STAM: variants seen among roughly 807,000 people sequenced by gnomAD.
STAM encodes the protein signal transducing adapter molecule 1.
In STAM, 16 loss-of-function variants were observed where a neutral mutation model predicts 63.4. The observed-to-expected ratio is 0.25, with a 90% CI of 0.17 to 0.38. The LOEUF is 0.38. Among genes scored for constraint, STAM ranks in the 10% least tolerant of loss-of-function variants. The pLI is 1.00. For missense variants in STAM, 636 were observed against 657.1 expected, an observed-to-expected ratio of 0.97 and a Z score of 0.35; for synonymous variants, 238 against 223.9, an observed-to-expected ratio of 1.06 and a Z score of -0.56.
intron 2 of STAM, among the ~76,000 whole-genome samples, chr10:17,678,802 A>G (rs1554824951): frequency 6.6e-6 from 1 of 151,982 alleles, no homozygotes; most frequent in African/African-American, 2.4e-5. Context: ...CCTCCTAGCC[A>G]CTAGTTACTT....
chr10:17,698,615 T>C (rs1018283731), intron 8 of STAM, among the ~76,000 whole-genome samples: 32 of 152,172 alleles, frequency 2.1e-4, no homozygotes, highest in African/African-American at 7.2e-4. Flanking sequence ...TTTGAGGAAA[T>C]AGAAGTCTAT....
chr10:17,684,995 T>C, intron 4 of STAM, 68 bp downstream of exon 4: 1 of 1,310,582 alleles, frequency 7.6e-7, no homozygotes, highest in Non-Finnish European at 1.1e-6. Context: ...ATTGTTTAAA[T>C]CTTCACAGAG....
At chr10:17,661,608 T>C (rs1210080357) in intron 2 of STAM, among the ~76,000 whole-genome samples, 4 of 152,176 alleles carry the variant, frequency 2.6e-5, no homozygotes, top group African/African-American at 9.6e-5. Context: ...TCCTGTCTCT[T>C]TTTGTTTTAA....
intron 1 of STAM, among the ~76,000 whole-genome samples, chr10:17,657,853 T>A (rs952569618): frequency 6.8e-6 from 1 of 147,590 alleles, no homozygotes; most frequent in Non-Finnish European, 1.5e-5. Flanking sequence ...CTCTCTCTTT[T>A]TTTTTTTTCC....
intron 2 of STAM, among the ~76,000 whole-genome samples, chr10:17,674,257 T>G (rs896276494): frequency 2.0e-5 from 3 of 152,228 alleles, no homozygotes; most frequent in Non-Finnish European, 4.4e-5. Flanking sequence ...TAGAGGCTGT[T>G]CTAGTTATCT....
Position 17,684,935 on chromosome 10 carries a change from G to A in STAM, c.297+8G>A, listed in dbSNP as rs141027884. 117 of 1,595,952 alleles carry A rather than the reference G, an allele frequency of 7.3e-5. No individual in the cohort carries two copies. In the East Asian group the frequency reaches 2.1e-3, roughly 29 times the overall value. ...AGCAACGTATTAAATAAGGTAAGGA[G>A]CATTATTTCCAGAAATTAATTAAGG... On this transcript the variant is annotated splice_region_variant and intron_variant, in intron 4 of 13. Transcript: ENST00000377524.
At chr10:17,705,865 T>G in intron 12 of STAM, 124 bp downstream of exon 12, 1 of 825,466 alleles carries the variant, frequency 1.2e-6, no homozygotes, top group Non-Finnish European at 1.8e-6. Flanking sequence ...ACCAGGAGTT[T>G]AAGACCAGCC....
At chr10:17,671,581 G>T (rs781843420) in intron 2 of STAM, among the ~76,000 whole-genome samples, 4 of 152,160 alleles carry the variant, frequency 2.6e-5, no homozygotes, top group African/African-American at 4.8e-5. Context: ...CCCATGACAG[G>T]CGGGTTACTA....
chr10:17,644,449 C>T, intron 1 of STAM, 70 bp downstream of exon 1: 2 of 1,586,386 alleles, frequency 1.3e-6, no homozygotes, highest in Admixed American at 1.7e-5. Flanking sequence ...CCCCTGCCTG[C>T]ATTCAGGACC....
At position 17,708,261 on chromosome 10, in the gene STAM, C is replaced by G. The variant is rs73603892; in HGVS notation, c.1210-515C>G. 7.3e-3 allele frequency among the ~76,000 whole-genome samples: 1,117 copies of G among 152,274 alleles called. 13 individuals are homozygous for G. The highest frequency in any genetic ancestry group is 0.026 in the African/African-American group (1,067 of 41,534). The stretch of plus-strand genomic sequence containing the variant: ...CAGAGCCGAGTAGTTGTGTCAGAGA[C>G]TACATGGTCCACAAAACTTAAAATA... On this transcript the variant is annotated intron_variant, in intron 12 of 13. Coordinates refer to ENST00000377524, the MANE Select transcript of STAM (RefSeq NM_003473.4).
chr10:17,687,254 C>T (rs1420705290), intron 4 of STAM, among the ~76,000 whole-genome samples: 1 of 152,100 alleles, frequency 6.6e-6, no homozygotes, highest in African/African-American at 2.4e-5. Context: ...GCGGGCGAAT[C>T]AGTTGGGGTC....
At chr10:17,693,026 G>A (rs1324268832) in intron 5 of STAM, among the ~76,000 whole-genome samples, 196 bp from the exon 6 acceptor site, 2 of 152,056 alleles carry the variant, frequency 1.3e-5, no homozygotes, top group Non-Finnish European at 2.9e-5. Flanking sequence ...TCCTCTAAGT[G>A]TCTAGTTGCT....
chr10:17,683,940 C>A (rs17463996), intron 2 of STAM, among the ~76,000 whole-genome samples: 1 of 152,030 alleles, frequency 6.6e-6, no homozygotes, highest in Non-Finnish European at 1.5e-5. Flanking sequence ...TGGTTACATT[C>A]GTCTGTGGCT....
chr10:17,667,489 A>T (rs1554823569), intron 2 of STAM, among the ~76,000 whole-genome samples: 2 of 152,124 alleles, frequency 1.3e-5, no homozygotes, highest in African/African-American at 4.8e-5. Flanking sequence ...ACATGGCAGA[A>T]TTTCTTTAAT....
At chr10:17,678,966 C>G (rs1554824967) in intron 2 of STAM, among the ~76,000 whole-genome samples, 2 of 152,132 alleles carry the variant, frequency 1.3e-5, no homozygotes, top group African/African-American at 4.8e-5. Context: ...TCAGAATTTC[C>G]TTAAGGCTGA....
intron 5 of STAM, among the ~76,000 whole-genome samples, chr10:17,691,390 T>C (rs1395838467): frequency 1.3e-5 from 2 of 151,166 alleles, no homozygotes; most frequent in Non-Finnish European, 3.0e-5. Flanking sequence ...TAGTGGCAGG[T>C]GCCTGTAGTC....
chr10:17,695,004 G>A, intron 6 of STAM, 45 bp from the exon 7 acceptor site: 3 of 1,570,732 alleles, frequency 1.9e-6, no homozygotes, highest in Non-Finnish European at 2.6e-6. Context: ...TCAGACTGTT[G>A]GATATAATAA....
intron 9 of STAM, among the ~76,000 whole-genome samples, chr10:17,702,138 C>T (rs1836026129): frequency 6.6e-6 from 1 of 152,114 alleles, no homozygotes; most frequent in Non-Finnish European, 1.5e-5. Context: ...AATCCTGGCT[C>T]ATTTTACTTT....
intron 1 of STAM, among the ~76,000 whole-genome samples, chr10:17,659,249 C>G (rs1208117827): frequency 1.3e-5 from 2 of 152,004 alleles, no homozygotes; most frequent in African/African-American, 4.8e-5. Flanking sequence ...ATTAATTCCT[C>G]CTTCCCATCC....
Sources: gnomAD v4.1 joint callset for allele counts (sites outside exome capture counted in the v4.1 genomes callset) on GRCh38, gnomAD v4.1.1 for gene constraint, MANE v1.5 for transcripts, NCBI Gene and HGNC (gene_info 2026-07-23, HGNC 2026-07-21) for gene names.